Variants in ANKRD11 observed in about 807,000 individuals in gnomAD.
ANKRD11 encodes ankyrin repeat domain-containing protein 11.
ANKRD11 carries 17 observed loss-of-function variants against 195.7 expected under a neutral mutation model. That is an observed-to-expected ratio of 0.09 (90% CI 0.06 to 0.13). The LOEUF (loss-of-function observed/expected upper bound fraction) is 0.13. ANKRD11 is among the 10% of genes least tolerant of loss of function. The probability of loss-of-function intolerance (pLI) is 1.00; values close to 1 mark genes in which losing one functional copy is unlikely to be tolerated. For missense variants in ANKRD11, 3,735 were observed against 3,566.1 expected, an observed-to-expected ratio of 1.05 and a Z score of -1.21; for synonymous variants, 1,953 against 1,528.1, an observed-to-expected ratio of 1.28 and a Z score of -6.49.
intron 1 of ANKRD11, among the ~76,000 whole-genome samples, chr16:89,441,498 T>C (rs894929389): frequency 3.3e-5 from 5 of 151,892 alleles, no homozygotes; most frequent in Non-Finnish European, 4.4e-5. Flanking sequence ...CCGGGCGCGG[T>C]GGCTCACGCC....
intron 2 of ANKRD11, among the ~76,000 whole-genome samples, chr16:89,363,265 C>T (rs2039809019): frequency 6.6e-6 from 1 of 152,072 alleles, no homozygotes; most frequent in Admixed American, 6.5e-5. Context: ...CCTTCTGAAG[C>T]AGTCTCTAAA....
At chr16:89,345,163 C>A (rs2038878403) in intron 2 of ANKRD11, among the ~76,000 whole-genome samples, 1 of 151,918 alleles carries the variant, frequency 6.6e-6, no homozygotes, top group African/African-American at 2.4e-5. Context: ...AAACTCCCAA[C>A]ATAACCACAA....
At chr16:89,287,411 C>T (rs1253181748) in intron 7 of ANKRD11, 6 of 236,886 alleles carry the variant, frequency 2.5e-5, no homozygotes, top group Non-Finnish European at 4.3e-5. Flanking sequence ...ATTATCCTGC[C>T]TACCTCACCG....
chr16:89,414,453 TTC>T (rs1200662856), intron 2 of ANKRD11, among the ~76,000 whole-genome samples: 1 of 152,186 alleles, frequency 6.6e-6, no homozygotes, highest in Non-Finnish European at 1.5e-5. Flanking sequence ...GGACTAACCC[TTC>T]TGTTTTGCCA....
chr16:89,483,176 TAGA>T (rs1475912322), intron 1 of ANKRD11, among the ~76,000 whole-genome samples: 1 of 152,182 alleles, frequency 6.6e-6, no homozygotes, highest in Non-Finnish European at 1.5e-5. Flanking sequence ...TTTATGGGCT[TAGA>T]AGAAAGCTAT....
intron 3 of ANKRD11, among the ~76,000 whole-genome samples, chr16:89,306,238 G>A (rs1362486313): frequency 1.2e-4 from 5 of 40,580 alleles, no homozygotes; most frequent in Non-Finnish European, 2.2e-4. Context: ...GCAGACACGC[G>A]CCACCTCCCA....
intron 2 of ANKRD11, among the ~76,000 whole-genome samples, chr16:89,413,088 G>A (rs927020197): frequency 1.3e-5 from 2 of 152,140 alleles, no homozygotes; most frequent in African/African-American, 4.8e-5. Flanking sequence ...AGGAGGGGGC[G>A]CCGCTCAGCC....
rs1339999408 is a variant in ANKRD11, at chr16:89,313,463, T to C, written c.87+3470A>G. 20 of 1,289,046 alleles carry C rather than the reference T, an allele frequency of 1.6e-5. No homozygotes were observed. The East Asian group carries it at 8.9e-4, about 57-fold the overall frequency. 79.9% of individuals were successfully genotyped at this position (1,289,046 alleles called of 1,614,324 possible). ...CTGACACGCCTGCCACTGTGCTCAC[T>C]GGTGCAGCCAAAGGGACACGCACAA... On this transcript the variant is annotated intron_variant, in intron 3 of 12. Coordinates refer to ENST00000301030, the MANE Select transcript of ANKRD11 (RefSeq NM_013275.6).
intron 2 of ANKRD11, among the ~76,000 whole-genome samples, chr16:89,355,844 C>T (rs8051538): frequency 0.018 from 2,734 of 152,258 alleles, 73 homozygotes; most frequent in African/African-American, 0.062. Context: ...GTGCGCAGCC[C>T]AATGGAAAGG....
At chr16:89,357,417 G>T (rs975544885) in intron 2 of ANKRD11, among the ~76,000 whole-genome samples, 1 of 152,104 alleles carries the variant, frequency 6.6e-6, no homozygotes, top group Non-Finnish European at 1.5e-5. Flanking sequence ...TGCATTGCTG[G>T]TGGGAACATA....
intron 2 of ANKRD11, among the ~76,000 whole-genome samples, chr16:89,386,378 G>A (rs180751711): frequency 1.3e-5 from 2 of 152,146 alleles, no homozygotes; most frequent in East Asian, 3.9e-4. Flanking sequence ...TCCAGGGACC[G>A]TCCACACTGC....
rs192913423 is a variant in ANKRD11, at chr16:89,343,527, G to C, written c.-59-26449C>G. ...TGAGCGAGCAAATGAGACAGAGCTC[G>C]AGGTGGGCTGGAGGCATGTGAGGGT... On this transcript the variant is annotated intron_variant, in intron 2 of 12. Coordinates refer to ENST00000301030, the MANE Select transcript of ANKRD11 (RefSeq NM_013275.6). Among the ~76,000 whole-genome samples the C allele has an allele frequency of 1.6e-3, 249 of 152,300 alleles. 4 individuals are homozygous for C. The South Asian group carries it at 0.018, about 11-fold the overall frequency.
chr16:89,300,640 C>T, intron 4 of ANKRD11: 1 of 503,422 alleles, frequency 2.0e-6, no homozygotes, highest in Non-Finnish European at 3.5e-6. Flanking sequence ...GTCTTCCCTC[C>T]AGGAATGGGG....
In ANKRD11 at chr16:89,361,326, G is replaced by A. The variant is rs564565197; in HGVS notation, c.-59-44248C>T. 6.6e-5 allele frequency among the ~76,000 whole-genome samples: 10 copies of A among 152,304 alleles called. No homozygotes were observed. In the South Asian group the frequency reaches 1.2e-3, roughly 19 times the overall value. ...GCACACACAGAACCATCACAGCGCC[G>A]GGGGCGGGGGGTGCTGCAGGGACAC... On this transcript the variant is annotated intron_variant, in intron 2 of 12. Transcript: ENST00000301030.
intron 1 of ANKRD11, among the ~76,000 whole-genome samples, chr16:89,448,814 G>GCACGTGAGTC (rs1318775616): frequency 6.6e-6 from 1 of 152,126 alleles, no homozygotes. Flanking sequence ...CCACCGGAGC[G>GCACGTGAGTC]CACGTGAGTC....
rs757979649 is a variant in ANKRD11, at chr16:89,268,529, G to A, written c.7941C>T (p.Phe2647=). Residue 2647 remains phenylalanine, a synonymous_variant, in exon 13 of 13, where the codon TTC becomes TTT. Coordinates refer to ENST00000301030, the MANE Select transcript of ANKRD11 (RefSeq NM_013275.6). ...KSLCVNEVPS[F]YVPMVDVNDD... is the part of the protein sequence containing the mutation. Reference sequence around the variant, plus strand: ...CGTTGACGTCGACCATGGGCACGTAGAAGGAGGGCACCTCGTTCACGCACA... The same window carrying A: ...CGTTGACGTCGACCATGGGCACGTAAAAGGAGGGCACCTCGTTCACGCACA... The A allele has an allele frequency of 1.2e-5, 17 of 1,464,338 alleles. No individual in the cohort carries two copies. Among genetic ancestry groups the A allele is most frequent in the African/African-American group, 2.8e-5 (2 of 70,466 alleles). 90.7% of individuals were successfully genotyped at this position (1,464,338 alleles called of 1,614,324 possible).
At chr16:89,382,612 C>T (rs2040711084) in intron 2 of ANKRD11, among the ~76,000 whole-genome samples, 1 of 151,900 alleles carries the variant, frequency 6.6e-6, no homozygotes, top group African/African-American at 2.4e-5. Flanking sequence ...GCTGAGATTA[C>T]AGGCCTGAGC....
chr16:89,426,230 C>A (rs760766367), intron 1 of ANKRD11, among the ~76,000 whole-genome samples: 1 of 152,106 alleles, frequency 6.6e-6, no homozygotes, highest in African/African-American at 2.4e-5. Context: ...AGCTGTAGAT[C>A]AGAAACTGGG....
intron 4 of ANKRD11, among the ~76,000 whole-genome samples, chr16:89,297,092 C>A (rs1423472293): frequency 6.6e-6 from 1 of 151,826 alleles, no homozygotes. Flanking sequence ...AAGGCAGAGA[C>A]CCTGAGGTTG....
Sources: gnomAD v4.1 joint callset for allele counts (sites outside exome capture counted in the v4.1 genomes callset) on GRCh38, gnomAD v4.1.1 for gene constraint, MANE v1.5 for transcripts, NCBI Gene and HGNC (gene_info 2026-07-23, HGNC 2026-07-21) for gene names.